The following FAM216B variants were observed in gnomAD, a reference collection of about 807,000 sequenced individuals.
FAM216B encodes the protein family with sequence similarity 216 member B.
Under a neutral mutation model 12.9 loss-of-function variants are expected in FAM216B, and 11 were observed. The ratio of observed to expected loss-of-function variants is 0.86; its 90% CI spans 0.54 to 1.42. The LOEUF (loss-of-function observed/expected upper bound fraction) is 1.42, where lower values mean the gene tolerates loss of function less well. Ranked by LOEUF, FAM216B falls within the 40% of genes most tolerant of loss-of-function variation. The pLI, the probability that FAM216B is intolerant of heterozygous loss-of-function variation, is 0.00. For missense variants in FAM216B, 167 were observed against 162.9 expected (o/e 1.02, Z -0.14); for synonymous variants, 52 against 57.2 (o/e 0.91, Z 0.41).
intron 3 of FAM216B, 78 bp downstream of exon 3, chr13:42,786,961 A>G (rs1212497985): frequency 6.3e-7 from 1 of 1,582,442 alleles, no homozygotes; most frequent in African/African-American, 1.4e-5. Flanking sequence ...TTCCAGATAA[A>G]TAATTCAAGC....
At chr13:42,786,672 C>A in intron 2 of FAM216B, 91 bp from the exon 3 acceptor site, 1 of 1,435,290 alleles carries the variant, frequency 7.0e-7, no homozygotes, top group East Asian at 2.5e-5. Context: ...AGAAAAGCCT[C>A]TTATTTCCAT....
chr13:42,782,475 T>A (rs1479351620), intron 1 of FAM216B, among the ~76,000 whole-genome samples: 1 of 152,230 alleles, frequency 6.6e-6, no homozygotes, highest in Non-Finnish European at 1.5e-5. Flanking sequence ...TTACAGTTTA[T>A]TTTCTTCAGT....
At chr13:42,785,837 TGGAAAGGCGTG>T (rs1874064664) in intron 2 of FAM216B, among the ~76,000 whole-genome samples, 1 of 152,140 alleles carries the variant, frequency 6.6e-6, no homozygotes, top group South Asian at 2.1e-4. Flanking sequence ...GATCATTTGC[TGGAAAGGCGTG>T]GGAAGCTGTC....
chr13:42,786,665 A>C, intron 2 of FAM216B, 98 bp from the exon 3 acceptor site: 1 of 1,425,342 alleles, frequency 7.0e-7, no homozygotes. Context: ...GTTAGCAAGA[A>C]AAGCCTCTTA....
At position 42,784,102 on chromosome 13, in the gene FAM216B, G is replaced by A. The variant is rs367879382; in HGVS notation, c.35G>A (p.Trp12Ter). ...GQNWKRQQKLWNVPQLPFIRV... is the reference protein window; with the variant it reads ...GQNWKRQQKL ...AACTGGAAAAGACAACAAAAGCTTT[G>A]GAATGTTCCACAACTTCCTTTTATT... is the stretch of plus-strand genomic sequence containing the variant. Residue 12 changes from tryptophan to a stop codon, truncating the protein, a stop_gained, in exon 2 of 4, where the codon TGG (tryptophan) becomes TAG (stop). Transcript: ENST00000313851. LOFTEE classifies it high-confidence loss of function. The A allele has an allele frequency of 6.2e-7, 1 of 1,602,478 alleles. No homozygotes were observed. Among genetic ancestry groups the A allele is most frequent in the Non-Finnish European group, 8.5e-7 (1 of 1,174,268 alleles).
chr13:42,786,412 G>T (rs1460743526), intron 2 of FAM216B, among the ~76,000 whole-genome samples: 1 of 152,106 alleles, frequency 6.6e-6, no homozygotes, highest in Non-Finnish European at 1.5e-5. Context: ...CCAGTCCAGA[G>T]GCCTGGCATA....
At chr13:42,784,446 T>C (rs2138033344) in intron 2 of FAM216B, among the ~76,000 whole-genome samples, 1 of 152,088 alleles carries the variant, frequency 6.6e-6, no homozygotes, top group Non-Finnish European at 1.5e-5. Flanking sequence ...TTGGCCACAC[T>C]ATGGCTCCCT....
Position 42,784,187 on chromosome 13 carries a change from T to TTTTTTTTC in FAM216B, c.99+27_99+28insTCTTTTTT, listed in dbSNP as rs760523972. 2.4e-4 allele frequency: 374 copies of TTTTTTTTC among 1,533,944 alleles called. 4 individuals carry two copies. In the African/African-American group the frequency reaches 4.8e-3, roughly 20 times the overall value. On this transcript the variant is annotated intron_variant, in intron 2 of 3. Transcript: ENST00000313851. ...TAAAGGTATGGCTTTTTTTTTTTTT[T>TTTTTTTTC]TTTTTTCACAGATAGAGTGACCTGT... is the stretch of plus-strand genomic sequence containing the variant.
At chr13:42,788,336 G>A (rs942673353) in intron 3 of FAM216B, among the ~76,000 whole-genome samples, 1 of 152,122 alleles carries the variant, frequency 6.6e-6, no homozygotes, top group Non-Finnish European at 1.5e-5. Context: ...TTTTGATATC[G>A]AAGATATCAT....
chr13:42,783,673 A>G (rs1012836826), intron 1 of FAM216B, among the ~76,000 whole-genome samples: 1 of 152,094 alleles, frequency 6.6e-6, no homozygotes, highest in Non-Finnish European at 1.5e-5. Flanking sequence ...CAAATCTTCC[A>G]AAACAATATA....
chr13:42,783,548 T>C (rs966300563), intron 1 of FAM216B, among the ~76,000 whole-genome samples: 3 of 152,132 alleles, frequency 2.0e-5, no homozygotes, highest in South Asian at 4.1e-4. Flanking sequence ...TTTAAGCATC[T>C]TGTGGGCACT....
rs76544567 is a variant in FAM216B at position 42,786,904 on chromosome 13, C to G, written c.220+21C>G. ...GCTTGGTAAGTTTAACTACGTGATC[C>G]AAACTAAGCACCTAAGGAATCAACT... On this transcript the variant is annotated intron_variant, in intron 3 of 3. Coordinates refer to ENST00000313851, the MANE Select transcript of FAM216B (RefSeq NM_001318932.2). 2.2e-3 allele frequency: 3,557 copies of G among 1,612,706 alleles called. 75 individuals carry two copies. The African/African-American group carries it at 0.042, about 19-fold the overall frequency.
chr13:42,788,921 G>A lies in FAM216B; in HGVS notation c.*131G>A, dbSNP rs1874202251. 1.0e-6 allele frequency: 1 copy of A among 976,688 alleles called. No homozygotes were observed. The highest frequency in any genetic ancestry group is 2.7e-5 in the East Asian group (1 of 37,524). 60.5% of individuals were successfully genotyped at this position (976,688 alleles called of 1,614,324 possible). Reference sequence around the variant, plus strand: ...AACCCCAGACCTAAAAATAATCTCTGATTCATATAAATTTTGCCAGCAAGA... The same window carrying A: ...AACCCCAGACCTAAAAATAATCTCTAATTCATATAAATTTTGCCAGCAAGA... On this transcript the variant is annotated 3_prime_UTR_variant, in exon 4 of 4. Coordinates refer to ENST00000313851, the MANE Select transcript of FAM216B (RefSeq NM_001318932.2).
intron 1 of FAM216B, among the ~76,000 whole-genome samples, chr13:42,782,464 A>G (rs1425574894): frequency 6.6e-6 from 1 of 152,216 alleles, no homozygotes; most frequent in Non-Finnish European, 1.5e-5. Flanking sequence ...TACAGCCTCT[A>G]TTACAGTTTA....
chr13:42,790,769 A>G lies in FAM216B; in HGVS notation c.*1979A>G, dbSNP rs1028748989. On this transcript the variant is annotated 3_prime_UTR_variant, in exon 4 of 4. Coordinates refer to ENST00000313851, the MANE Select transcript of FAM216B (RefSeq NM_001318932.2). Reference sequence around the variant, plus strand: ...GCTATTGCTTGCACTCACAATGTCAATATACATTATCAGAACTTAAGTCCT... The same window carrying G: ...GCTATTGCTTGCACTCACAATGTCAGTATACATTATCAGAACTTAAGTCCT... 1 of 152,226 alleles carries G rather than the reference A, an allele frequency of 6.6e-6. No individual in the cohort carries two copies. The highest frequency in any genetic ancestry group is 1.5e-5 in the Non-Finnish European group (1 of 68,048). The allele number at this position is 152,226 out of a possible 1,614,324, so 9.4% of individuals were successfully genotyped here. A position where few individuals can be genotyped will look rare whatever the true frequency, so the allele number is the denominator to read the frequency against.
chr13:42,783,394 T>C (rs1184522051), intron 1 of FAM216B, among the ~76,000 whole-genome samples: 1 of 152,046 alleles, frequency 6.6e-6, no homozygotes, highest in African/African-American at 2.4e-5. Flanking sequence ...AAGTTGAGTA[T>C]GCCTTATCCA....
In FAM216B at chr13:42,786,749, T is replaced by G. The variant is rs1364372841; in HGVS notation, c.100-14T>G. On this transcript the variant is annotated splice_polypyrimidine_tract_variant and intron_variant, in intron 2 of 3. Transcript: ENST00000313851. Reference sequence around the variant, plus strand: ...TCCACACACTCATCAAAATCACCTGTTCTGTTCCAACAGGCCCTCAACCAA... The same window carrying G: ...TCCACACACTCATCAAAATCACCTGGTCTGTTCCAACAGGCCCTCAACCAA... 1.2e-6 allele frequency: 2 copies of G among 1,613,810 alleles called. No homozygotes were observed. Among genetic ancestry groups the G allele is most frequent in the Non-Finnish European group, 1.7e-6 (2 of 1,179,796 alleles).
chr13:42,787,891 C>G (rs573103682), intron 3 of FAM216B, among the ~76,000 whole-genome samples: 5 of 152,304 alleles, frequency 3.3e-5, no homozygotes, highest in African/African-American at 1.2e-4. Flanking sequence ...TTATGACCTA[C>G]AGTTTACAGA....
At chr13:42,784,850 A>T (rs938829877) in intron 2 of FAM216B, among the ~76,000 whole-genome samples, 1 of 150,668 alleles carries the variant, frequency 6.6e-6, no homozygotes, top group African/African-American at 2.4e-5. Flanking sequence ...TAAATAAATA[A>T]ATAAATTAAA....
Sources: allele counts gnomAD v4.1 joint callset (sites outside exome capture counted in the v4.1 genomes callset), GRCh38; gene constraint gnomAD v4.1.1; transcripts MANE v1.5; gene names NCBI Gene and HGNC (gene_info 2026-07-23, HGNC 2026-07-21).